The following RNGTT variants were observed in gnomAD, a reference collection of about 807,000 sequenced individuals.
RNGTT encodes RNA guanylyltransferase and 5'-phosphatase.
Under a neutral mutation model 79.3 loss-of-function variants are expected in RNGTT, and 33 were observed. The observed-to-expected ratio is 0.42, with a 90% CI of 0.32 to 0.56. The LOEUF is 0.56. RNGTT is among the 20% of genes least tolerant of loss of function. The pLI is 0.17. For synonymous variants in RNGTT, 222 were observed against 235.9 expected (o/e 0.94, Z 0.54); for missense variants, 497 against 739.1 (o/e 0.67, Z 3.80).
intron 13 of RNGTT, among the ~76,000 whole-genome samples, chr6:88,724,561 G>C (rs1425287397): frequency 6.6e-6 from 1 of 152,088 alleles, no homozygotes; most frequent in Non-Finnish European, 1.5e-5. Context: ...TCCACAGACA[G>C]GGGAAGGGGG....
At chr6:88,740,658 G>A (rs1003808451) in intron 13 of RNGTT, among the ~76,000 whole-genome samples, 2 of 152,008 alleles carry the variant, frequency 1.3e-5, no homozygotes, top group African/African-American at 4.8e-5. Context: ...AACTAACACA[G>A]GAACAGAAAA....
At position 88,698,232 on chromosome 6, in the gene RNGTT, TG is replaced by T. The variant is rs1249766958; in HGVS notation, c.1440-19814del. On this transcript the variant is annotated intron_variant, in intron 13 of 15. Transcript: ENST00000369485. ...ATGAAATATATATATCATATATATA[TG>T]AAATATATATATGAAATATATATAT... Among the ~76,000 whole-genome samples the T allele has an allele frequency of 1.2e-3, 125 of 101,656 alleles. 30 individuals are homozygous for T. The highest frequency in any genetic ancestry group is 0.011 in the African/African-American group (118 of 11,054). The allele number at this position is 101,656 out of a possible 152,430, so 66.7% of individuals were successfully genotyped here. A position where few individuals can be genotyped will look rare whatever the true frequency, so the allele number is the denominator to read the frequency against.
At chr6:88,731,499 C>A (rs1354018095) in intron 13 of RNGTT, among the ~76,000 whole-genome samples, 1 of 152,056 alleles carries the variant, frequency 6.6e-6, no homozygotes, top group Non-Finnish European at 1.5e-5. Context: ...ATGTCAAGAA[C>A]TCTAATGGAT....
intron 6 of RNGTT, among the ~76,000 whole-genome samples, chr6:88,897,781 T>C (rs1344013402): frequency 6.6e-6 from 1 of 152,106 alleles, no homozygotes; most frequent in Non-Finnish European, 1.5e-5. Context: ...AAAATACAGT[T>C]TATGCTGAAT....
intron 12 of RNGTT, among the ~76,000 whole-genome samples, chr6:88,800,207 T>C (rs1779739813): frequency 6.6e-6 from 1 of 152,220 alleles, no homozygotes; most frequent in Non-Finnish European, 1.5e-5. Flanking sequence ...CTGAAATGCT[T>C]AGGACCAGAA....
chr6:88,666,924 A>G (rs921329833), intron 14 of RNGTT, among the ~76,000 whole-genome samples: 2 of 152,200 alleles, frequency 1.3e-5, no homozygotes, highest in Non-Finnish European at 2.9e-5. Context: ...CTCCAAGTGC[A>G]TGGGGCATTA....
chr6:88,883,170 CAAAAAAAAAAAAA>C (rs976114373), intron 8 of RNGTT, among the ~76,000 whole-genome samples: 5 of 68,894 alleles, frequency 7.3e-5, no homozygotes, highest in Non-Finnish European at 1.3e-4. Context: ...CTCTTTATGA[CAAAAAAAAAAAAA>C]AAAAAAAAAA....
At chr6:88,627,041 T>A (rs887378701) in intron 14 of RNGTT, among the ~76,000 whole-genome samples, 1 of 151,692 alleles carries the variant, frequency 6.6e-6, no homozygotes, top group African/African-American at 2.4e-5. Flanking sequence ...CATCCACCAT[T>A]AACATGAGGA....
intron 4 of RNGTT, among the ~76,000 whole-genome samples, chr6:88,922,943 A>G (rs978504959): frequency 1.1e-4 from 16 of 152,220 alleles, no homozygotes; most frequent in Non-Finnish European, 1.5e-5. Context: ...AATGTTCCAC[A>G]TTCTGGATTT....
intron 14 of RNGTT, among the ~76,000 whole-genome samples, chr6:88,667,734 A>G (rs991092068): frequency 6.6e-6 from 1 of 152,200 alleles, no homozygotes; most frequent in Non-Finnish European, 1.5e-5. Context: ...AGAAGACGGC[A>G]AAGGTATTGG....
chr6:88,958,917 A>G (rs1785521811), intron 1 of RNGTT, among the ~76,000 whole-genome samples: 1 of 152,264 alleles, frequency 6.6e-6, no homozygotes, highest in Non-Finnish European at 1.5e-5. Context: ...GCATGTTTAC[A>G]GCAGCACAAT....
At chr6:88,722,737 G>C (rs1776747165) in intron 13 of RNGTT, among the ~76,000 whole-genome samples, 1 of 152,144 alleles carries the variant, frequency 6.6e-6, no homozygotes, top group East Asian at 1.9e-4. Context: ...GAGAAGAAAA[G>C]TAACTATAGT....
intron 1 of RNGTT, among the ~76,000 whole-genome samples, chr6:88,942,846 C>T (rs1357331764): frequency 6.6e-6 from 1 of 152,240 alleles, no homozygotes; most frequent in African/African-American, 2.4e-5. Context: ...ACTCTCAGTT[C>T]TCACCTTAAG....
At chr6:88,800,219 T>C (rs1562259377) in intron 12 of RNGTT, among the ~76,000 whole-genome samples, 1 of 152,148 alleles carries the variant, frequency 6.6e-6, no homozygotes, top group African/African-American at 2.4e-5. Flanking sequence ...GGACCAGAAG[T>C]GGTTTGGATT....
At chr6:88,747,305 C>A (rs948409857) in intron 13 of RNGTT, among the ~76,000 whole-genome samples, 4 of 152,134 alleles carry the variant, frequency 2.6e-5, no homozygotes, top group Non-Finnish European at 5.9e-5. Context: ...CAATTATAAA[C>A]CTCAACCTTT....
chr6:88,720,915 G>A (rs927869582), intron 13 of RNGTT, among the ~76,000 whole-genome samples: 3 of 151,946 alleles, frequency 2.0e-5, no homozygotes, highest in Non-Finnish European at 2.9e-5. Context: ...AAATAATGAC[G>A]TCAAACCATG....
rs1178521688 is a variant in RNGTT at position 88,698,200 on chromosome 6, G to T, written c.1440-19781C>A. ...TATGATATATATATGAAATATATAT[G>T]ATATATATGAAATATATATATCATA... On this transcript the variant is annotated intron_variant, in intron 13 of 15. Transcript: ENST00000369485. 7.4e-5 allele frequency among the ~76,000 whole-genome samples: 6 copies of T among 81,324 alleles called. 1 individual carries two copies. Among genetic ancestry groups the T allele is most frequent in the East Asian group, 5.5e-4 (2 of 3,620 alleles). The allele number at this position is 81,324 out of a possible 152,430, so 53.4% of individuals were successfully genotyped here. A position where few individuals can be genotyped will look rare whatever the true frequency, so the allele number is the denominator to read the frequency against.
In RNGTT at chr6:88,769,845, A is replaced by C; in HGVS notation, c.1368T>G (p.Ile456Met). 1 of 1,611,630 alleles carries C rather than the reference A, an allele frequency of 6.2e-7. No homozygotes were observed. The highest frequency in any genetic ancestry group is 1.1e-5 in the South Asian group (1 of 90,780). The change falls in exon 13 of 16, where the codon ATT becomes ATG. Residue 456 changes from isoleucine to methionine, a missense_variant. This residue lies in a region of RNGTT where 440 missense variants were observed against 671.5 expected (regional missense o/e 0.66). Transcript: ENST00000369485. Reference sequence around the variant, plus strand: ...TCAGACTGGGAGGCTTCCATTTCAAAATATCATCACATCGACCAGGTTTGT... The same window carrying C: ...TCAGACTGGGAGGCTTCCATTTCAACATATCATCACATCGACCAGGTTTGT... ...GKYKPGRCDD[I>M]LKWKPPSLNS...
intron 14 of RNGTT, among the ~76,000 whole-genome samples, chr6:88,663,668 C>T (rs1013313567): frequency 2.6e-5 from 4 of 152,138 alleles, no homozygotes; most frequent in Admixed American, 6.5e-5. Flanking sequence ...AGCCCCTGAG[C>T]CTCTGCAAGG....
Sources: allele counts gnomAD v4.1 joint callset (sites outside exome capture counted in the v4.1 genomes callset), GRCh38; gene constraint gnomAD v4.1.1; regional missense constraint gnomAD v4.1.1; transcripts MANE v1.5; gene names NCBI Gene and HGNC (gene_info 2026-07-23, HGNC 2026-07-21).